FER: variants seen among roughly 807,000 people sequenced by gnomAD.
FER encodes tyrosine-protein kinase Fer.
In FER, 63 loss-of-function variants were observed where a neutral mutation model predicts 111.0. The observed-to-expected ratio is 0.57, with a 90% CI of 0.46 to 0.70. The LOEUF (loss-of-function observed/expected upper bound fraction) is 0.70. Ranked by LOEUF, FER falls within the 30% of genes least tolerant of loss-of-function variation. FER has a pLI of 0.00. For missense variants in FER, 914 were observed against 954.0 expected (o/e 0.96, Z 0.55); for synonymous variants, 327 against 313.9 (o/e 1.04, Z -0.44).
intron 10 of FER, among the ~76,000 whole-genome samples, chr5:108,911,126 G>A (rs1205549960): frequency 6.6e-6 from 1 of 152,086 alleles, no homozygotes; most frequent in African/African-American, 2.4e-5. Flanking sequence ...ATCCGCACTA[G>A]CATCTGTTGT....
chr5:109,058,528 A>G (rs1773930062), intron 16 of FER, among the ~76,000 whole-genome samples: 1 of 150,996 alleles, frequency 6.6e-6, no homozygotes, highest in Non-Finnish European at 1.5e-5. Flanking sequence ...TTTTTTTTAA[A>G]CTTTTTGGAT....
chr5:109,047,933 T>C (rs919314593), intron 16 of FER, among the ~76,000 whole-genome samples: 2 of 152,212 alleles, frequency 1.3e-5, no homozygotes, highest in African/African-American at 4.8e-5. Context: ...GCTGTATTAA[T>C]AGTATGTTTT....
Position 109,134,777 on chromosome 5 carries a change from C to T in FER, c.2048+34258C>T, listed in dbSNP as rs569489309. On this transcript the variant is annotated intron_variant, in intron 17 of 19. Coordinates refer to ENST00000281092, the MANE Select transcript of FER (RefSeq NM_005246.4). Reference sequence around the variant, plus strand: ...TAAATGCATAATTGAAACAAGTGCACTCATACTATAAAAGTATGTTCCTAG... The same window carrying T: ...TAAATGCATAATTGAAACAAGTGCATTCATACTATAAAAGTATGTTCCTAG... 3.9e-5 allele frequency among the ~76,000 whole-genome samples: 6 copies of T among 152,232 alleles called. No homozygotes were observed. In the South Asian group the frequency reaches 1.2e-3, roughly 32 times the overall value.
chr5:109,186,427 G>T (rs1394577621), intron 19 of FER, 105 bp downstream of exon 19: 1 of 1,536,004 alleles, frequency 6.5e-7, no homozygotes, highest in Non-Finnish European at 8.9e-7. Context: ...CTGTTTGGTT[G>T]TGTTATGAGA....
At chr5:109,023,047 G>T (rs1236057474) in intron 13 of FER, among the ~76,000 whole-genome samples, 2 of 152,102 alleles carry the variant, frequency 1.3e-5, no homozygotes, top group Non-Finnish European at 2.9e-5. Context: ...TAAAATGTAT[G>T]TAAAGGGAGG....
intron 16 of FER, among the ~76,000 whole-genome samples, chr5:109,048,109 G>A (rs975574129): frequency 4.6e-5 from 7 of 151,706 alleles, no homozygotes; most frequent in East Asian, 3.9e-4. Flanking sequence ...TATGTAAAAC[G>A]TTTCTAATTT....
chr5:109,152,986 A>T (rs188306686), intron 17 of FER, among the ~76,000 whole-genome samples: 5 of 152,064 alleles, frequency 3.3e-5, no homozygotes, highest in African/African-American at 7.2e-5. Flanking sequence ...GAGAGTATCA[A>T]AAAAGAGTAT....
At chr5:108,758,259 T>C (rs1399846381) in intron 1 of FER, among the ~76,000 whole-genome samples, 3 of 152,200 alleles carry the variant, frequency 2.0e-5, no homozygotes, top group African/African-American at 7.2e-5. Context: ...GGTTTCGGAC[T>C]GTTTTCCTGA....
intron 17 of FER, among the ~76,000 whole-genome samples, chr5:109,179,801 T>C (rs1377515067): frequency 6.6e-6 from 1 of 152,106 alleles, no homozygotes; most frequent in African/African-American, 2.4e-5. Flanking sequence ...ATATCAGGGA[T>C]TTGAGCATCT....
At chr5:109,121,080 C>CT (rs1174803562) in intron 17 of FER, among the ~76,000 whole-genome samples, 3 of 151,990 alleles carry the variant, frequency 2.0e-5, no homozygotes, top group Non-Finnish European at 4.4e-5. Context: ...TTTGGATGCT[C>CT]TTTATTTCTT....
chr5:109,064,784 C>G (rs1168962143), intron 16 of FER, among the ~76,000 whole-genome samples: 1 of 152,076 alleles, frequency 6.6e-6, no homozygotes, highest in Non-Finnish European at 1.5e-5. Flanking sequence ...ATTTGAAGTT[C>G]CTTCACAATT....
At chr5:109,053,810 C>G (rs1032427187) in intron 16 of FER, among the ~76,000 whole-genome samples, 1 of 151,266 alleles carries the variant, frequency 6.6e-6, no homozygotes, top group Admixed American at 6.6e-5. Context: ...CCTGCCTCAG[C>G]CTCCCGAGTA....
chr5:109,067,731 TAA>T (rs1775286272), intron 16 of FER, among the ~76,000 whole-genome samples: 1 of 152,166 alleles, frequency 6.6e-6, no homozygotes, highest in African/African-American at 2.4e-5. Context: ...TATTTTGGGT[TAA>T]ATTCTACTCT....
chr5:108,982,215 T>G (rs946995344), intron 13 of FER, among the ~76,000 whole-genome samples: 3 of 152,020 alleles, frequency 2.0e-5, no homozygotes, highest in African/African-American at 7.2e-5. Flanking sequence ...TCCCTAAAGT[T>G]TGAGAACCTG....
At chr5:109,105,215 G>T (rs1389494176) in intron 17 of FER, among the ~76,000 whole-genome samples, 2 of 148,088 alleles carry the variant, frequency 1.4e-5, no homozygotes, top group Admixed American at 1.4e-4. Flanking sequence ...GTAAGATACT[G>T]CTTCCAGCTT....
chr5:109,058,727 T>TCTTTC (rs1369656251), intron 16 of FER, among the ~76,000 whole-genome samples: 1 of 104,756 alleles, frequency 9.5e-6, no homozygotes, highest in African/African-American at 3.5e-5. Flanking sequence ...TTTCTTTCTT[T>TCTTTC]TTTTTTTTTT....
intron 14 of FER, among the ~76,000 whole-genome samples, chr5:109,040,262 C>T (rs1453293835): frequency 1.3e-5 from 2 of 151,892 alleles, no homozygotes; most frequent in African/African-American, 4.8e-5. Flanking sequence ...TGGTACTTAC[C>T]ACAATTAGGT....
intron 13 of FER, among the ~76,000 whole-genome samples, chr5:109,022,148 C>G (rs1768012092): frequency 6.6e-6 from 1 of 152,068 alleles, no homozygotes; most frequent in Non-Finnish European, 1.5e-5. Flanking sequence ...CTTTCTACCT[C>G]AGAGTCTGTA....
At chr5:108,749,170 G>T (rs1750135108) in intron 1 of FER, among the ~76,000 whole-genome samples, 1 of 152,054 alleles carries the variant, frequency 6.6e-6, no homozygotes, top group Non-Finnish European at 1.5e-5. Flanking sequence ...TCCGCCCTCA[G>T]CCAGCGCCCC....
Sources: allele counts gnomAD v4.1 joint callset (sites outside exome capture counted in the v4.1 genomes callset), GRCh38; gene constraint gnomAD v4.1.1; transcripts MANE v1.5; gene names NCBI Gene and HGNC (gene_info 2026-07-23, HGNC 2026-07-21).